The following SERGEF variants were observed in gnomAD, a reference collection of about 807,000 sequenced individuals.
SERGEF encodes secretion-regulating guanine nucleotide exchange factor.
SERGEF carries 51 observed loss-of-function variants against 50.0 expected under a neutral mutation model. That is an observed-to-expected ratio of 1.02 (90% confidence interval 0.81 to 1.29). The LOEUF is 1.29. Ranked by LOEUF, SERGEF falls within the 50% of genes most tolerant of loss-of-function variation. SERGEF has a pLI of 0.00. For synonymous variants in SERGEF, 205 were observed against 212.4 expected (o/e 0.97, Z 0.30); for missense variants, 521 against 557.0 (o/e 0.94, Z 0.65).
At chr11:17,796,936 A>C (rs1849581129) in intron 10 of SERGEF, among the ~76,000 whole-genome samples, 1 of 152,210 alleles carries the variant, frequency 6.6e-6, no homozygotes, top group African/African-American at 2.4e-5. Flanking sequence ...AGCAGCCCTG[A>C]GAATGAGGTG....
At chr11:17,878,443 T>C (rs1372008949) in intron 9 of SERGEF, among the ~76,000 whole-genome samples, 199 bp from the exon 10 acceptor site, 2 of 152,172 alleles carry the variant, frequency 1.3e-5, no homozygotes, top group Non-Finnish European at 2.9e-5. Flanking sequence ...AAAAAAAATA[T>C]TGAATGGAAA....
chr11:17,874,033 G>A (rs1851198959), intron 10 of SERGEF, among the ~76,000 whole-genome samples: 1 of 152,196 alleles, frequency 6.6e-6, no homozygotes, highest in African/African-American at 2.4e-5. Flanking sequence ...TTCTCAGCAA[G>A]TGATGGCCAC....
chr11:17,821,262 C>T (rs1012703463), intron 10 of SERGEF, among the ~76,000 whole-genome samples: 14 of 152,212 alleles, frequency 9.2e-5, no homozygotes, highest in African/African-American at 3.4e-4. Context: ...TCATAAACCA[C>T]ACAGATTGTG....
chr11:17,921,887 T>C (rs1852163421), intron 9 of SERGEF, among the ~76,000 whole-genome samples: 1 of 152,146 alleles, frequency 6.6e-6, no homozygotes, highest in Non-Finnish European at 1.5e-5. Context: ...AGACCTGCAA[T>C]GGCCCCTCTT....
At chr11:17,990,676 A>C (rs1340329307) in intron 7 of SERGEF, among the ~76,000 whole-genome samples, 1 of 152,252 alleles carries the variant, frequency 6.6e-6, no homozygotes, top group African/African-American at 2.4e-5. Context: ...ATAGTTATAT[A>C]ATCTACAACC....
chr11:17,984,344 G>A (rs1853553259), intron 8 of SERGEF, among the ~76,000 whole-genome samples: 1 of 152,182 alleles, frequency 6.6e-6, no homozygotes, highest in Non-Finnish European at 1.5e-5. Flanking sequence ...GGAAGCGGGA[G>A]CTTGGACATC....
chr11:17,862,401 G>A (rs1041450385), intron 10 of SERGEF, among the ~76,000 whole-genome samples: 4 of 152,170 alleles, frequency 2.6e-5, no homozygotes, highest in Non-Finnish European at 5.9e-5. Flanking sequence ...AAGGAAAGTG[G>A]CCTGCCCAAG....
chr11:17,854,968 T>C (rs1377357919), intron 10 of SERGEF: 1 of 152,198 alleles, frequency 6.6e-6, no homozygotes, highest in Non-Finnish European at 1.5e-5. Context: ...TTTATCTACA[T>C]AGGGAAACTG....
intron 1 of SERGEF, among the ~76,000 whole-genome samples, chr11:18,008,576 G>A (rs961178153): frequency 3.3e-5 from 5 of 152,164 alleles, no homozygotes; most frequent in Non-Finnish European, 7.4e-5. Flanking sequence ...CCAACCCTCT[G>A]GAGGTAATGG....
chr11:17,942,840 C>T (rs1852586042), intron 9 of SERGEF, among the ~76,000 whole-genome samples: 1 of 152,126 alleles, frequency 6.6e-6, no homozygotes, highest in Admixed American at 6.5e-5. Flanking sequence ...GATTTTTCCA[C>T]AACTGTTGAA....
intron 10 of SERGEF, among the ~76,000 whole-genome samples, chr11:17,808,934 G>T (rs1849815740): frequency 6.6e-6 from 1 of 152,224 alleles, no homozygotes; most frequent in South Asian, 2.1e-4. Context: ...AGGTATTGGG[G>T]TTTGGCTGGA....
chr11:17,869,769 T>C (rs1434357589), intron 10 of SERGEF, among the ~76,000 whole-genome samples: 3 of 152,296 alleles, frequency 2.0e-5, no homozygotes, highest in South Asian at 2.1e-4. Flanking sequence ...GCAAAGGATA[T>C]TGAGGTAGAA....
chr11:17,845,167 G>A (rs919853576), intron 10 of SERGEF, among the ~76,000 whole-genome samples: 1 of 152,264 alleles, frequency 6.6e-6, no homozygotes, highest in Middle Eastern at 3.4e-3. Context: ...CTCTGTAACT[G>A]CTTGTTCGAG....
intron 10 of SERGEF, among the ~76,000 whole-genome samples, chr11:17,810,082 G>A (rs77883563): frequency 6.6e-6 from 1 of 152,140 alleles, no homozygotes; most frequent in Non-Finnish European, 1.5e-5. Context: ...GAGGTCTTCT[G>A]TCATGATATG....
intron 8 of SERGEF, among the ~76,000 whole-genome samples, chr11:17,966,176 A>G (rs1410051999): frequency 6.6e-6 from 1 of 152,200 alleles, no homozygotes; most frequent in African/African-American, 2.4e-5. Flanking sequence ...TTAAGATTCA[A>G]GCATAGTGGC....
At chr11:17,939,684 A>AG (rs1294761984) in intron 9 of SERGEF, 1 of 152,416 alleles carries the variant, frequency 6.6e-6, no homozygotes, top group Non-Finnish European at 1.5e-5. Flanking sequence ...CTTGGGGGAA[A>AG]GGGAGAGCCA....
At chr11:18,008,121 C>G in intron 1 of SERGEF, 45 bp from the exon 2 acceptor site, 1 of 1,583,844 alleles carries the variant, frequency 6.3e-7, no homozygotes, top group Non-Finnish European at 8.6e-7. Flanking sequence ...GGAACCACAA[C>G]TGTCAATGTC....
chr11:17,873,478 A>G (rs1202749605), intron 10 of SERGEF, among the ~76,000 whole-genome samples: 1 of 152,102 alleles, frequency 6.6e-6, no homozygotes, highest in Non-Finnish European at 1.5e-5. Flanking sequence ...AAAAAGAGTT[A>G]TTTCTCTATT....
intron 6 of SERGEF, 44 bp downstream of exon 6, chr11:17,995,752 C>T (rs753930695): frequency 1.5e-6 from 2 of 1,341,268 alleles, no homozygotes. Context: ...GTCTCTACTT[C>T]CTGACAAAGA....
Sources: allele counts gnomAD v4.1 joint callset (sites outside exome capture counted in the v4.1 genomes callset), GRCh38; gene constraint gnomAD v4.1.1; transcripts MANE v1.5; gene names NCBI Gene and HGNC (gene_info 2026-07-23, HGNC 2026-07-21).